CORO2B: variants seen among roughly 807,000 people sequenced by gnomAD.
CORO2B encodes the protein coronin 2B.
CORO2B carries 26 observed loss-of-function variants against 58.8 expected under a neutral mutation model. The observed-to-expected ratio is 0.44, with a 90% CI of 0.32 to 0.61. The LOEUF (loss-of-function observed/expected upper bound fraction) is 0.61, where lower values mean the gene tolerates loss of function less well. Ranked by LOEUF, CORO2B falls within the 20% of genes least tolerant of loss-of-function variation. The probability of loss-of-function intolerance (pLI) is 0.04; values close to 1 mark genes in which losing one functional copy is unlikely to be tolerated. For missense variants in CORO2B, 460 were observed against 645.1 expected (o/e 0.71, Z 3.11); for synonymous variants, 242 against 253.8 (o/e 0.95, Z 0.44).
At position 68,714,613 on chromosome 15, in the gene CORO2B, C is replaced by G; in HGVS notation, c.820C>G (p.Leu274Val). 3 of 1,614,130 alleles carry G rather than the reference C, an allele frequency of 1.9e-6. No individual in the cohort carries two copies. The highest frequency in any genetic ancestry group is 2.5e-6 in the Non-Finnish European group (3 of 1,180,016). Reference sequence around the variant, plus strand: ...GGAAATTGATGGGCTCTCTGGCCTCCTGTTCCCCTTCTATGATGCTGACAC... The same window carrying G: ...GGAAATTGATGGGCTCTCTGGCCTCGTGTTCCCCTTCTATGATGCTGACAC... ...EEEIDGLSGL[L>V]FPFYDADTHM... is the part of the protein sequence containing the mutation. Residue 274 changes from leucine (L) to valine (V), a missense_variant, in exon 7 of 12, where the codon CTG becomes GTG. By Grantham distance (32) the Leu-to-Val change is conservative. Transcript: ENST00000261861.
At chr15:68,700,807 AG>A (rs1892624125) in intron 3 of CORO2B, among the ~76,000 whole-genome samples, 1 of 152,008 alleles carries the variant, frequency 6.6e-6, no homozygotes, top group Non-Finnish European at 1.5e-5. Flanking sequence ...AGCCGCGGAG[AG>A]AGAGAGAGGT....
chr15:68,653,452 G>T (rs1901704334), intron 2 of CORO2B, among the ~76,000 whole-genome samples: 1 of 152,176 alleles, frequency 6.6e-6, no homozygotes, highest in Non-Finnish European at 1.5e-5. Context: ...AATCACAGAG[G>T]CAGGTGCCCA....
the CORO2B span, among the ~76,000 whole-genome samples, chr15:68,545,630 G>A: frequency 6.7e-6 from 1 of 149,666 alleles, no homozygotes; most frequent in Non-Finnish European, 1.5e-5. Flanking sequence ...GTAATACTGG[G>A]CGAGGGGGAC....
At chr15:68,653,470 T>TG (rs1302531855) in intron 2 of CORO2B, among the ~76,000 whole-genome samples, 1 of 152,166 alleles carries the variant, frequency 6.6e-6, no homozygotes, top group Non-Finnish European at 1.5e-5. Context: ...CCATCTACTC[T>TG]GAGATGGGGT....
intron 1 of CORO2B, among the ~76,000 whole-genome samples, chr15:68,579,481 C>T (rs533845742): frequency 6.6e-6 from 1 of 152,144 alleles, no homozygotes; most frequent in East Asian, 1.9e-4. Flanking sequence ...GCCGCTCTGG[C>T]AGCCCCGGCG....
At chr15:68,560,785 G>T in the CORO2B span, among the ~76,000 whole-genome samples, 2 of 152,202 alleles carry the variant, frequency 1.3e-5, no homozygotes, top group Non-Finnish European at 2.9e-5. Flanking sequence ...TGAGGGCAGG[G>T]TGCTAGGCAT....
chr15:68,531,114 C>G, the CORO2B span, among the ~76,000 whole-genome samples: 1 of 152,180 alleles, frequency 6.6e-6, no homozygotes, highest in South Asian at 2.1e-4. Context: ...CCTTACAACA[C>G]TATACTCTCA....
the CORO2B span, among the ~76,000 whole-genome samples, chr15:68,569,119 G>A: frequency 1.6e-4 from 25 of 152,032 alleles, 1 homozygote; most frequent in African/African-American, 5.6e-4. Flanking sequence ...TGTTACAATC[G>A]ATGAATCTAC....
intron 2 of CORO2B, among the ~76,000 whole-genome samples, chr15:68,652,666 G>C (rs531125919): frequency 3.7e-4 from 56 of 152,336 alleles, no homozygotes; most frequent in African/African-American, 1.3e-3. Flanking sequence ...AGTGTGGCCT[G>C]AGGAGCTTTT....
At chr15:68,711,755 G>C (rs772651523) in intron 5 of CORO2B, 49 bp downstream of exon 5, 1 of 1,605,732 alleles carries the variant, frequency 6.2e-7, no homozygotes, top group South Asian at 1.1e-5. Flanking sequence ...TTGAGGGCTG[G>C]GGCTCAGCTT....
At chr15:68,533,628 C>A in the CORO2B span, among the ~76,000 whole-genome samples, 1 of 152,124 alleles carries the variant, frequency 6.6e-6, no homozygotes, top group Non-Finnish European at 1.5e-5. Context: ...GCTGGGCCTC[C>A]TTGGGCAGGG....
intron 1 of CORO2B, among the ~76,000 whole-genome samples, chr15:68,620,487 G>A: frequency 6.6e-6 from 1 of 152,194 alleles, no homozygotes; most frequent in East Asian, 1.9e-4. Flanking sequence ...GGCCCAGAAA[G>A]GACAGAACAC....
intron 1 of CORO2B, among the ~76,000 whole-genome samples, chr15:68,613,830 A>T (rs1900293795): frequency 6.6e-6 from 1 of 152,216 alleles, no homozygotes; most frequent in South Asian, 2.1e-4. Context: ...TCTTAGTAAG[A>T]ACACTTTGTT....
At chr15:68,689,707 G>A (rs896085499) in intron 2 of CORO2B, among the ~76,000 whole-genome samples, 1 of 152,294 alleles carries the variant, frequency 6.6e-6, no homozygotes. Context: ...AGGCATATGT[G>A]GGACTTGGGG....
chr15:68,675,340 G>A (rs1020209760), intron 2 of CORO2B, among the ~76,000 whole-genome samples: 12 of 152,088 alleles, frequency 7.9e-5, no homozygotes, highest in Admixed American at 7.9e-4. Flanking sequence ...CCTTTCCTCG[G>A]TCAGTTCAGC....
At chr15:68,716,946 G>A (rs1466973328) in intron 8 of CORO2B, among the ~76,000 whole-genome samples, 3 of 152,134 alleles carry the variant, frequency 2.0e-5, no homozygotes, top group Non-Finnish European at 2.9e-5. Context: ...AAATCATTAT[G>A]GGGAGGGTTC....
At chr15:68,722,850 C>T (rs1465189171) in intron 11 of CORO2B, among the ~76,000 whole-genome samples, 1 of 151,862 alleles carries the variant, frequency 6.6e-6, no homozygotes, top group Admixed American at 6.6e-5. Flanking sequence ...GGAGGATTGC[C>T]TGAGGTTAAG....
At chr15:68,672,579 A>G (rs936840646) in intron 2 of CORO2B, among the ~76,000 whole-genome samples, 2 of 152,210 alleles carry the variant, frequency 1.3e-5, no homozygotes, top group African/African-American at 4.8e-5. Flanking sequence ...TATAATACAC[A>G]TCATTTTTGA....
At chr15:68,633,785 T>A (rs2140262681) in intron 1 of CORO2B, among the ~76,000 whole-genome samples, 1 of 152,350 alleles carries the variant, frequency 6.6e-6, no homozygotes, top group African/African-American at 2.4e-5. Flanking sequence ...CGGCAGATCG[T>A]CCTTCTCTTC....
Sources: allele counts gnomAD v4.1 joint callset (sites outside exome capture counted in the v4.1 genomes callset), GRCh38; gene constraint gnomAD v4.1.1; transcripts MANE v1.5; gene names NCBI Gene and HGNC (gene_info 2026-07-23, HGNC 2026-07-21).